Variants in HPGD observed in about 807,000 individuals in gnomAD.
HPGD encodes the protein 15-hydroxyprostaglandin dehydrogenase [NAD(+)].
In HPGD, 29 loss-of-function variants were observed where a neutral mutation model predicts 30.0. That is an observed-to-expected ratio of 0.97 (90% CI 0.72 to 1.32). The LOEUF (loss-of-function observed/expected upper bound fraction) is 1.32. Among genes scored for constraint, HPGD ranks in the 40% most tolerant of loss-of-function variants. The probability of loss-of-function intolerance (pLI) is 0.00; values close to 1 mark genes in which losing one functional copy is unlikely to be tolerated. For synonymous variants in HPGD, 99 were observed against 112.4 expected (o/e 0.88, Z 0.75); for missense variants, 340 against 322.1 (o/e 1.06, Z -0.43).
rs368398506 is a variant in HPGD, at chr4:174,502,916, G to T, written c.421+5780C>A. ...CTGGCTTCTTAAAGTGTGGTTCAAGGAGCGGTATCACCTGGGAGCACAATT... is the reference window on the plus strand; with the variant it reads ...CTGGCTTCTTAAAGTGTGGTTCAAGTAGCGGTATCACCTGGGAGCACAATT... On this transcript the variant is annotated intron_variant, in intron 4 of 6. Transcript: ENST00000296522. 3.3e-5 allele frequency among the ~76,000 whole-genome samples: 5 copies of T among 152,166 alleles called. No individual in the cohort carries two copies. The South Asian group carries it at 6.2e-4, about 19-fold the overall frequency.
rs188965140 is a variant in HPGD, at chr4:174,491,626, T to C, written c.*330A>G. The C allele has an allele frequency of 4.3e-6, 1 of 234,130 alleles. No individual in the cohort carries two copies. Among genetic ancestry groups the C allele is most frequent in the East Asian group, 9.6e-5 (1 of 10,376 alleles). The allele number at this position is 234,130 out of a possible 1,614,324, so 14.5% of individuals were successfully genotyped here. Reference sequence around the variant, plus strand: ...AATTCAAGTATCTCCTTTAAAATGATGTTCTGAAGAACATTAATATTTATG... The same window carrying C: ...AATTCAAGTATCTCCTTTAAAATGACGTTCTGAAGAACATTAATATTTATG... On this transcript the variant is annotated 3_prime_UTR_variant, in exon 7 of 7. Coordinates refer to ENST00000296522, the MANE Select transcript of HPGD (RefSeq NM_000860.6).
chr4:174,514,668 C>G (rs1735677985), intron 3 of HPGD, among the ~76,000 whole-genome samples: 2 of 152,052 alleles, frequency 1.3e-5, no homozygotes, highest in Non-Finnish European at 2.9e-5. Flanking sequence ...CAAGCCAGAG[C>G]AATCTGGCAA....
chr4:174,509,253 A>C (rs1735348309), intron 3 of HPGD, among the ~76,000 whole-genome samples: 1 of 152,104 alleles, frequency 6.6e-6, no homozygotes, highest in Non-Finnish European at 1.5e-5. Context: ...CTTACTCTTG[A>C]TTTCCTAGAG....
intron 4 of HPGD, among the ~76,000 whole-genome samples, chr4:174,503,438 A>G (rs1287931482): frequency 6.6e-6 from 1 of 152,198 alleles, no homozygotes; most frequent in Non-Finnish European, 1.5e-5. Context: ...ATTGACCTCT[A>G]TTGTAGAGAC....
chr4:174,522,514 TA>T, upstream of HPGD: 1 of 1,322,226 alleles, frequency 7.6e-7, no homozygotes, highest in Non-Finnish European at 1.0e-6. Context: ...CCGCGGCTTT[TA>T]TGCCCCCCTG....
intron 5 of HPGD, among the ~76,000 whole-genome samples, chr4:174,493,956 T>C (rs1734464525): frequency 6.6e-6 from 1 of 152,210 alleles, no homozygotes; most frequent in African/African-American, 2.4e-5. Flanking sequence ...TTTGTGGACA[T>C]GCACAGGGCA....
At chr4:174,506,875 C>A (rs1203188402) in intron 4 of HPGD, 2 of 152,194 alleles carry the variant, frequency 1.3e-5, no homozygotes, top group East Asian at 3.8e-4. Context: ...GAAATCAGTG[C>A]CTCCAGTGAC....
intron 5 of HPGD, among the ~76,000 whole-genome samples, chr4:174,493,841 C>T (rs908473528): frequency 4.8e-4 from 73 of 152,198 alleles, no homozygotes; most frequent in African/African-American, 1.7e-3. Flanking sequence ...AAAAATTAGT[C>T]AATTCTCATT....
chr4:174,508,554 A>C lies in HPGD; in HGVS notation c.421+142T>G, dbSNP rs3775978. On this transcript the variant is annotated intron_variant, in intron 4 of 6. Coordinates refer to ENST00000296522, the MANE Select transcript of HPGD (RefSeq NM_000860.6). ...TTTTTCAAACTTTTGATATTTTGCAATAGAAAATTCCATGGAACTATAAAA... is the reference window on the plus strand; with the variant it reads ...TTTTTCAAACTTTTGATATTTTGCACTAGAAAATTCCATGGAACTATAAAA... 1.2e-4 allele frequency: 76 copies of C among 650,928 alleles called. No homozygotes were observed. In the East Asian group the frequency reaches 2.0e-3, roughly 17 times the overall value. 40.3% of individuals were successfully genotyped at this position (650,928 alleles called of 1,614,324 possible).
intron 2 of HPGD, 118 bp downstream of exon 2, chr4:174,521,826 G>A (rs1271873806): frequency 1.3e-5 from 15 of 1,160,842 alleles, no homozygotes; most frequent in Non-Finnish European, 1.9e-5. Flanking sequence ...GAGCTTCAAG[G>A]TAGCTGCTCT....
chr4:174,502,663 G>A (rs1734975286), intron 4 of HPGD, among the ~76,000 whole-genome samples: 1 of 118,906 alleles, frequency 8.4e-6, no homozygotes, highest in Admixed American at 1.1e-4. Flanking sequence ...GGGCGACAGA[G>A]CGAGACTCCG....
chr4:174,508,157 T>C, intron 4 of HPGD: 2 of 702,516 alleles, frequency 2.8e-6, no homozygotes, highest in East Asian at 2.7e-5. Context: ...AGCCAGGTTT[T>C]CAAATGTCTG....
At chr4:174,515,503 A>G (rs1286754979) in intron 3 of HPGD, among the ~76,000 whole-genome samples, 1 of 151,988 alleles carries the variant, frequency 6.6e-6, no homozygotes, top group African/African-American at 2.4e-5. Flanking sequence ...CCATATGTAA[A>G]ACCTAAAACT....
At chr4:174,512,157 T>G (rs1343997008) in intron 3 of HPGD, among the ~76,000 whole-genome samples, 1 of 152,180 alleles carries the variant, frequency 6.6e-6, no homozygotes, top group Non-Finnish European at 1.5e-5. Flanking sequence ...TTGGAAGAAC[T>G]AATGTATTTG....
chr4:174,522,741 G>A (rs1736231254), upstream of HPGD: 1 of 380,234 alleles, frequency 2.6e-6, no homozygotes, highest in Admixed American at 4.7e-5. Context: ...GCTGACAGAA[G>A]AAAAGTTAAA....
chr4:174,514,724 CTATCTTTTTTTGCAAACGG>C (rs1735682963), intron 3 of HPGD, among the ~76,000 whole-genome samples: 1 of 152,090 alleles, frequency 6.6e-6, no homozygotes, highest in Non-Finnish European at 1.5e-5. Context: ...GGAAGTCAAA[CTATCTTTTTTTGCAAACGG>C]TATGATTCTA....
intron 2 of HPGD, 87 bp from the exon 3 acceptor site, chr4:174,518,164 G>A (rs1560989629): frequency 1.4e-6 from 1 of 704,796 alleles, no homozygotes. Context: ...AGGAATTTCA[G>A]TTTATTTACC....
intron 4 of HPGD, chr4:174,507,105 C>T (rs1311451518): frequency 1.3e-5 from 2 of 151,966 alleles, no homozygotes; most frequent in African/African-American, 4.8e-5. Flanking sequence ...TTTAGCTTTG[C>T]CAATTTGCTT....
At chr4:174,522,533 G>C (rs901973274), upstream of HPGD, 3 of 1,057,422 alleles carry the variant, frequency 2.8e-6, no homozygotes, top group African/African-American at 1.7e-5. Context: ...CTGCGCGCGC[G>C]CGCGTGCAGC....
Sources: gnomAD v4.1 joint callset for allele counts (sites outside exome capture counted in the v4.1 genomes callset) on GRCh38, gnomAD v4.1.1 for gene constraint, MANE v1.5 for transcripts, NCBI Gene and HGNC (gene_info 2026-07-23, HGNC 2026-07-21) for gene names.